TMA16: variants seen among roughly 807,000 people sequenced by gnomAD.
TMA16 encodes the protein translation machinery associated 16 homolog, also known as translation machinery-associated protein 16.
Under a neutral mutation model 27.1 loss-of-function variants are expected in TMA16, and 26 were observed. The ratio of observed to expected loss-of-function variants is 0.96; its 90% CI spans 0.70 to 1.33. The LOEUF (loss-of-function observed/expected upper bound fraction) is 1.33. TMA16 is among the 40% of genes most tolerant of loss of function. TMA16 has a pLI of 0.00. For missense variants in TMA16, 233 were observed against 241.4 expected (o/e 0.97, Z 0.23); for synonymous variants, 71 against 81.9 (o/e 0.87, Z 0.72).
At chr4:163,503,450 C>A (rs943242214) in intron 1 of TMA16, among the ~76,000 whole-genome samples, 1 of 152,150 alleles carries the variant, frequency 6.6e-6, no homozygotes, top group Admixed American at 6.5e-5. Context: ...GCCTAGACTG[C>A]GGCTCAACTT....
Position 163,512,863 on chromosome 4 carries a change from A to C in TMA16, c.154+4A>C. ...GCCTTGCGTCTCAACCTTGTTGGTA[A>C]GTGGGTTTACTTATTTGAAACTCTG... On this transcript the variant is annotated splice_donor_region_variant and intron_variant, in intron 3 of 6. Transcript: ENST00000358572. The C allele has an allele frequency of 6.2e-7, 1 of 1,606,124 alleles. No individual in the cohort carries two copies. The highest frequency in any genetic ancestry group is 8.5e-7 in the Non-Finnish European group (1 of 1,174,726).
chr4:163,504,453 T>A (rs1333491501), intron 1 of TMA16, among the ~76,000 whole-genome samples: 1 of 152,110 alleles, frequency 6.6e-6, no homozygotes, highest in Non-Finnish European at 1.5e-5. Flanking sequence ...AAGTATTACT[T>A]GGGGGTGTGA....
chr4:163,494,870 A>C, intron 1 of TMA16, 66 bp downstream of exon 1: 1 of 1,604,118 alleles, frequency 6.2e-7, no homozygotes, highest in Non-Finnish European at 8.5e-7. Context: ...TTGAGCAGGC[A>C]GAGAGGGAGG....
In TMA16 at chr4:163,515,429, G is replaced by A. The variant is rs201658008; in HGVS notation, c.356G>A (p.Arg119Gln). Reference sequence around the variant, plus strand: ...ACCGTCATCAAGCAGACGATGGAGCGGGAGCGACAGCAGTTTGAGGGATAT... The same window carrying A: ...ACCGTCATCAAGCAGACGATGGAGCAGGAGCGACAGCAGTTTGAGGGATAT... ...RETVIKQTMERERQQFEGYGL... is the reference protein window; with the variant it reads ...RETVIKQTMEQERQQFEGYGL... The change falls in exon 5 of 7, where the codon CGG becomes CAG. Residue 119 changes from arginine to glutamine, a missense_variant. Physicochemically the swap from Arg to Gln is conservative, Grantham distance 43. Transcript: ENST00000358572. 45 of 1,613,952 alleles carry A rather than the reference G, an allele frequency of 2.8e-5. No homozygotes were observed. The highest frequency in any genetic ancestry group is 1.6e-4 in the East Asian group (7 of 44,854).
chr4:163,510,294 A>G (rs554426061), intron 2 of TMA16, among the ~76,000 whole-genome samples: 1 of 152,340 alleles, frequency 6.6e-6, no homozygotes, highest in African/African-American at 2.4e-5. Context: ...GGTTTTGACA[A>G]TTGTATACAT....
At chr4:163,514,010 T>C in intron 3 of TMA16, 64 bp from the exon 4 acceptor site, 1 of 1,246,896 alleles carries the variant, frequency 8.0e-7, no homozygotes, top group East Asian at 2.5e-5. Context: ...AAAATGATAA[T>C]GAATATTTAC....
intron 1 of TMA16, 120 bp downstream of exon 1, chr4:163,494,924 T>C: frequency 6.9e-7 from 1 of 1,440,860 alleles, no homozygotes; most frequent in Non-Finnish European, 9.6e-7. Flanking sequence ...GCAAAGTGTT[T>C]ATTTTCAGGG....
rs762667012 is a variant in TMA16, at chr4:163,519,560, T to A, written c.*46T>A. On this transcript the variant is annotated 3_prime_UTR_variant, in exon 7 of 7. Coordinates refer to ENST00000358572, the MANE Select transcript of TMA16 (RefSeq NM_018352.3). ...AATAAATAATTTGAGAGCTTCAAAT[T>A]ATATTCATTGATTATGGTACCTAAT... is the stretch of plus-strand genomic sequence containing the variant. The A allele has an allele frequency of 2.0e-6, 3 of 1,475,896 alleles. No individual in the cohort carries two copies. Among genetic ancestry groups the A allele is most frequent in the Non-Finnish European group, 2.7e-6 (3 of 1,114,026 alleles). The allele number at this position is 1,475,896 out of a possible 1,614,324, so 91.4% of individuals were successfully genotyped here.
At chr4:163,501,593 G>A (rs953160724) in intron 1 of TMA16, among the ~76,000 whole-genome samples, 2 of 152,164 alleles carry the variant, frequency 1.3e-5, no homozygotes, top group African/African-American at 2.4e-5. Context: ...GATTTTAGAT[G>A]TTGTTTCGTT....
intron 6 of TMA16, 161 bp downstream of exon 6, chr4:163,517,637 G>T (rs997296516): frequency 3.5e-6 from 2 of 574,344 alleles, no homozygotes; most frequent in Non-Finnish European, 3.0e-6. Context: ...GAAGTTGGGC[G>T]TACAAACAGT....
Position 163,495,323 on chromosome 4 carries a change from CAA to C in TMA16, c.3+522_3+523del, listed in dbSNP as rs951761007. On this transcript the variant is annotated intron_variant, in intron 1 of 6. Transcript: ENST00000358572. ...GTTTTTATTAAAAACTGAGTAGATACAAAAGAGTGTTACTAAAGCACATTTCA... is the reference window on the plus strand; with the variant it reads ...GTTTTTATTAAAAACTGAGTAGATACAAGAGTGTTACTAAAGCACATTTCA... Among the ~76,000 whole-genome samples, 3 of 152,266 alleles carry C rather than the reference CAA, an allele frequency of 2.0e-5. No individual in the cohort carries two copies. In the South Asian group the frequency reaches 6.2e-4, roughly 32 times the overall value.
rs756106378 is a variant in TMA16 at position 163,515,300 on chromosome 4, T to C, written c.240-13T>C. The C allele has an allele frequency of 6.2e-7, 1 of 1,600,632 alleles. No individual in the cohort carries two copies. ...ACTTTGTATGTAACACAAATCATTT[T>C]CGTATTTTTCAGGTACTTAAATCGA... is the stretch of plus-strand genomic sequence containing the variant. On this transcript the variant is annotated splice_polypyrimidine_tract_variant and intron_variant, in intron 4 of 6. Transcript: ENST00000358572.
chr4:163,495,414 CAT>C (rs1252633461), intron 1 of TMA16, among the ~76,000 whole-genome samples: 1 of 152,182 alleles, frequency 6.6e-6, no homozygotes, highest in African/African-American at 2.4e-5. Context: ...AGAAATAAAA[CAT>C]AGCCTTTGAA....
At chr4:163,513,633 G>T (rs921041603) in intron 3 of TMA16, among the ~76,000 whole-genome samples, 1 of 152,230 alleles carries the variant, frequency 6.6e-6, no homozygotes, top group South Asian at 2.1e-4. Context: ...ACAAATGGGG[G>T]TAATAATAGT....
chr4:163,515,616 C>A, intron 5 of TMA16, 155 bp downstream of exon 5: 1 of 857,624 alleles, frequency 1.2e-6, no homozygotes, highest in Non-Finnish European at 1.7e-6. Flanking sequence ...ATTTTGGATT[C>A]TTTTTTTTTC....
intron 3 of TMA16, among the ~76,000 whole-genome samples, chr4:163,513,098 C>T (rs915643467): frequency 6.6e-6 from 1 of 152,202 alleles, no homozygotes; most frequent in African/African-American, 2.4e-5. Context: ...CCTGTCTACA[C>T]ATAACATTCA....
chr4:163,507,136 A>C lies in TMA16; in HGVS notation c.107A>C (p.Lys36Thr). 6.4e-7 allele frequency: 1 copy of C among 1,572,944 alleles called. No homozygotes were observed. Among genetic ancestry groups the C allele is most frequent in the Non-Finnish European group, 8.6e-7 (1 of 1,157,598 alleles). The change falls in exon 2 of 7, where the codon AAA becomes ACA. Residue 36 changes from lysine to threonine, a missense_variant. Coordinates refer to ENST00000358572, the MANE Select transcript of TMA16 (RefSeq NM_018352.3). ...ACGAGAGAGGCCCACAAACAAGAAAAAAAGGAAAAGTAAGTATCTTTTCAT... is the reference window on the plus strand; with the variant it reads ...ACGAGAGAGGCCCACAAACAAGAAACAAAGGAAAAGTAAGTATCTTTTCAT... Reference protein sequence around the residue: ...QITREAHKQEKKEKLKNEKAL... With the variant: ...QITREAHKQETKEKLKNEKAL...
chr4:163,514,759 T>C (rs966488274), intron 4 of TMA16, among the ~76,000 whole-genome samples: 1 of 152,176 alleles, frequency 6.6e-6, no homozygotes, highest in Non-Finnish European at 1.5e-5. Context: ...CAGGAAACCG[T>C]TGAAAGGTTG....
intron 2 of TMA16, 142 bp downstream of exon 2, chr4:163,507,287 T>G: frequency 1.4e-6 from 1 of 722,802 alleles, no homozygotes; most frequent in South Asian, 2.2e-5. Context: ...AGGGTGAAAC[T>G]GAACAAGGAC....
Sources: gnomAD v4.1 joint callset for allele counts (sites outside exome capture counted in the v4.1 genomes callset) on GRCh38, gnomAD v4.1.1 for gene constraint, MANE v1.5 for transcripts, NCBI Gene and HGNC (gene_info 2026-07-23, HGNC 2026-07-21) for gene names.